Variants in PCDH11X observed in about 807,000 individuals in gnomAD.
PCDH11X encodes the protein protocadherin-11 X-linked.
A neutral mutation model predicts 53.3 loss-of-function variants in PCDH11X; 18 were observed. The ratio of observed to expected loss-of-function variants is 0.34; its 90% CI spans 0.23 to 0.50. The LOEUF (loss-of-function observed/expected upper bound fraction) is 0.50. Among genes scored for constraint, PCDH11X ranks in the 20% least tolerant of loss-of-function variants. PCDH11X has a pLI of 0.98. For synonymous variants in PCDH11X, 279 were observed against 393.3 expected, an observed-to-expected ratio of 0.71 and a Z score of 3.44; for missense variants, 570 against 1,032.4, an observed-to-expected ratio of 0.55 and a Z score of 6.14.
rs186499156 is a variant in PCDH11X, at chrX:92,516,951, G to A, written c.3367+48629G>A. Among the ~76,000 whole-genome samples the A allele has an allele frequency of 6.8e-3, 764 of 112,266 alleles. 7 individuals are homozygous for A. The highest frequency in any genetic ancestry group is 0.023 in the African/African-American group (728 of 30,980). On this transcript the variant is annotated intron_variant, in intron 10 of 10. Coordinates refer to ENST00000682573, the MANE Select transcript of PCDH11X (RefSeq NM_032968.5). ...AGATAAGGTGATCTATGATAGGCAC[G>A]ACTGGGTGTTTTTCTGACAATGACT...
chrX:92,313,866 T>C (rs1459136527), intron 8 of PCDH11X, among the ~76,000 whole-genome samples: 2 of 110,872 alleles, frequency 1.8e-5, no homozygotes, highest in Admixed American at 1.9e-4. Context: ...AAGGAAGAAA[T>C]GGTACACTCA....
intron 7 of PCDH11X, among the ~76,000 whole-genome samples, chrX:92,254,253 G>C (rs755186514): frequency 9.0e-6 from 1 of 111,388 alleles, no homozygotes; most frequent in Admixed American, 9.5e-5. Flanking sequence ...TTGGAGACTA[G>C]GATTGCAACC....
At chrX:92,222,135 C>T (rs914814131) in intron 7 of PCDH11X, among the ~76,000 whole-genome samples, 17 of 65,002 alleles carry the variant, frequency 2.6e-4, no homozygotes, top group Admixed American at 7.1e-4. Context: ...TGCCCAGCCT[C>T]TTCAATAGAT....
chrX:92,357,130 T>TAA (rs58862953), intron 8 of PCDH11X, among the ~76,000 whole-genome samples: 12 of 86,827 alleles, frequency 1.4e-4, no homozygotes, highest in African/African-American at 4.3e-4. Context: ...TTTTTTTTTT[T>TAA]AAAAAAAAGC....
intron 9 of PCDH11X, among the ~76,000 whole-genome samples, chrX:92,444,445 G>T (rs2072586448): frequency 1.0e-5 from 1 of 97,536 alleles, no homozygotes; most frequent in African/African-American, 3.8e-5. Context: ...AGAGTCTTTA[G>T]GGTTTTCTAA....
At chrX:91,790,573 C>T (rs954513679) in intron 1 of PCDH11X, among the ~76,000 whole-genome samples, 25 of 111,942 alleles carry the variant, frequency 2.2e-4, no homozygotes, top group Non-Finnish European at 4.7e-4. Flanking sequence ...ACAGCAACAA[C>T]GAAAGACACT....
intron 8 of PCDH11X, among the ~76,000 whole-genome samples, chrX:92,345,318 C>T (rs1413367420): frequency 9.1e-6 from 1 of 110,281 alleles, no homozygotes; most frequent in Non-Finnish European, 1.9e-5. Flanking sequence ...GGTACATAAA[C>T]ATATCATCTA....
chrX:92,001,063 T>C (rs1258451050), intron 6 of PCDH11X, among the ~76,000 whole-genome samples: 10 of 104,031 alleles, frequency 9.6e-5, no homozygotes, highest in South Asian at 4.6e-4. Context: ...CTTGTTGATA[T>C]ACTGATTTCC....
intron 7 of PCDH11X, among the ~76,000 whole-genome samples, chrX:92,203,049 C>G (rs777993762): frequency 6.3e-5 from 7 of 111,252 alleles, no homozygotes; most frequent in Non-Finnish European, 1.3e-4. Flanking sequence ...GTTAGAAGGC[C>G]AATGTCCAGA....
chrX:92,554,646 A>G (rs766069671), intron 10 of PCDH11X, among the ~76,000 whole-genome samples: 3 of 109,375 alleles, frequency 2.7e-5, no homozygotes, highest in Non-Finnish European at 3.8e-5. Flanking sequence ...TTTGAATTGA[A>G]TATCACCTCT....
chrX:92,303,553 T>A (rs2068764139), intron 8 of PCDH11X, among the ~76,000 whole-genome samples: 2 of 111,079 alleles, frequency 1.8e-5, no homozygotes, highest in Non-Finnish European at 3.8e-5. Context: ...AAAGAAACAC[T>A]ATCTGACAAA....
intron 10 of PCDH11X, among the ~76,000 whole-genome samples, chrX:92,526,779 G>T (rs1464083724): frequency 9.9e-6 from 1 of 100,879 alleles, no homozygotes; most frequent in Non-Finnish European, 2.0e-5. Context: ...CCCATTGCTT[G>T]ATATATACCA....
At chrX:92,432,613 T>C (rs1250501207) in intron 9 of PCDH11X, among the ~76,000 whole-genome samples, 1 of 110,014 alleles carries the variant, frequency 9.1e-6, no homozygotes, top group Non-Finnish European at 1.9e-5. Context: ...AAATAAATTC[T>C]ACCAGAAAAT....
intron 6 of PCDH11X, among the ~76,000 whole-genome samples, chrX:92,073,234 C>A (rs2063728991): frequency 8.9e-6 from 1 of 111,855 alleles, no homozygotes; most frequent in South Asian, 3.7e-4. Flanking sequence ...ATGCTTCTTT[C>A]CAGGTTATGA....
intron 7 of PCDH11X, among the ~76,000 whole-genome samples, chrX:92,255,327 T>G (rs1271655099): frequency 1.0e-5 from 1 of 97,476 alleles, no homozygotes; most frequent in Non-Finnish European, 2.1e-5. Flanking sequence ...TTGATTATTC[T>G]AGTTATACAT....
At chrX:92,189,756 T>C (rs1375099181) in intron 6 of PCDH11X, among the ~76,000 whole-genome samples, 1 of 112,058 alleles carries the variant, frequency 8.9e-6, no homozygotes, top group Non-Finnish European at 1.9e-5. Context: ...TAATCACCAT[T>C]GTAACTGGCG....
chrX:92,070,265 C>T (rs1199650906), intron 6 of PCDH11X, among the ~76,000 whole-genome samples: 1 of 111,169 alleles, frequency 9.0e-6, no homozygotes, highest in Non-Finnish European at 1.9e-5. Context: ...TAATATTCCC[C>T]ATGAGTTTTG....
intron 6 of PCDH11X, among the ~76,000 whole-genome samples, chrX:92,149,509 A>G (rs190507838): frequency 0.034 from 3,669 of 107,170 alleles, 181 homozygotes; most frequent in African/African-American, 0.12. Context: ...ATATGTATGT[A>G]TATATATGGC....
chrX:92,533,284 C>T (rs2074593105), intron 10 of PCDH11X, among the ~76,000 whole-genome samples: 2 of 110,582 alleles, frequency 1.8e-5, no homozygotes, highest in African/African-American at 3.3e-5. Context: ...TATAACAGGT[C>T]CTGCTCTAGG....
Sources: allele counts gnomAD v4.1 joint callset (sites outside exome capture counted in the v4.1 genomes callset), GRCh38; gene constraint gnomAD v4.1.1; transcripts MANE v1.5; gene names NCBI Gene and HGNC (gene_info 2026-07-23, HGNC 2026-07-21).